Variants in RPS6KA5 observed in about 807,000 individuals in gnomAD.
RPS6KA5 encodes the protein ribosomal protein S6 kinase alpha-5.
A neutral mutation model predicts 85.5 loss-of-function variants in RPS6KA5; 27 were observed. The observed-to-expected ratio is 0.32, with a 90% CI of 0.23 to 0.44. The LOEUF (loss-of-function observed/expected upper bound fraction) is 0.44, where lower values mean the gene tolerates loss of function less well. RPS6KA5 is among the 20% of genes least tolerant of loss of function. The pLI is 1.00. For missense variants in RPS6KA5, 811 were observed against 980.9 expected (o/e 0.83, Z 2.31); for synonymous variants, 334 against 348.2 (o/e 0.96, Z 0.46).
In RPS6KA5 at chr14:90,983,859, C is replaced by A. The variant is rs529751542; in HGVS notation, c.176-5335G>T. Among the ~76,000 whole-genome samples, 13 of 141,108 alleles carry A rather than the reference C, an allele frequency of 9.2e-5. No homozygotes were observed. The South Asian group carries it at 2.7e-3, about 30-fold the overall frequency. 92.6% of individuals were successfully genotyped at this position (141,108 alleles called of 152,430 possible). A position where few individuals can be genotyped will look rare whatever the true frequency, so the allele number is the denominator to read the frequency against. ...TCTCTCTTTCTTTTTTTCTTTCTTTCTTTCTGACCAAGTCTTGCTCTGTCG... is the reference window on the plus strand; with the variant it reads ...TCTCTCTTTCTTTTTTTCTTTCTTTATTTCTGACCAAGTCTTGCTCTGTCG... On this transcript the variant is annotated intron_variant, in intron 2 of 16. Transcript: ENST00000614987.
chr14:91,020,790 C>G, intron 1 of RPS6KA5, among the ~76,000 whole-genome samples: 1 of 151,888 alleles, frequency 6.6e-6, no homozygotes, highest in East Asian at 1.9e-4. Flanking sequence ...TTTATTTTGT[C>G]ATGTCTCTTA....
At chr14:91,039,097 C>G (rs751304384) in intron 1 of RPS6KA5, among the ~76,000 whole-genome samples, 2 of 152,120 alleles carry the variant, frequency 1.3e-5, no homozygotes, top group Non-Finnish European at 2.9e-5. Context: ...CATTCAAGTC[C>G]TAGAGCTATC....
Position 90,857,355 on chromosome 14 carries a change from T to A in RPS6KA5, c.*14719A>T, listed in dbSNP as rs2032334024. Reference sequence around the variant, plus strand: ...CCATTTTTTGGTATCACGAAGCATTTAATAAGTGCTTAGTTGCATCTGAAA... The same window carrying A: ...CCATTTTTTGGTATCACGAAGCATTAAATAAGTGCTTAGTTGCATCTGAAA... On this transcript the variant is annotated 3_prime_UTR_variant, in exon 17 of 17. Transcript: ENST00000614987. 1.3e-5 allele frequency: 2 copies of A among 152,344 alleles called. No homozygotes were observed. Among genetic ancestry groups the A allele is most frequent in the East Asian group, 3.9e-4 (2 of 5,186 alleles). 9.4% of individuals were successfully genotyped at this position (152,344 alleles called of 1,614,324 possible).
chr14:90,882,893 G>A (rs1705480156), intron 14 of RPS6KA5, among the ~76,000 whole-genome samples: 1 of 151,788 alleles, frequency 6.6e-6, no homozygotes, highest in African/African-American at 2.4e-5. Context: ...CGCCTCCCAA[G>A]TTCAAACGAT....
intron 14 of RPS6KA5, among the ~76,000 whole-genome samples, chr14:90,887,797 A>T: frequency 6.8e-6 from 1 of 146,712 alleles, no homozygotes; most frequent in African/African-American, 2.5e-5. Context: ...TTTCTATTTA[A>T]AAAAAAAAAA....
At chr14:90,933,908 C>A (rs1487244537) in intron 5 of RPS6KA5, among the ~76,000 whole-genome samples, 1 of 152,168 alleles carries the variant, frequency 6.6e-6, no homozygotes, top group East Asian at 1.9e-4. Context: ...ATCCCTCTAC[C>A]TAGAAATCTC....
intron 1 of RPS6KA5, among the ~76,000 whole-genome samples, chr14:91,029,821 T>C (rs2042116404): frequency 6.6e-6 from 1 of 152,194 alleles, no homozygotes; most frequent in African/African-American, 2.4e-5. Context: ...TATATGTACA[T>C]TATATTGCTA....
intron 1 of RPS6KA5, among the ~76,000 whole-genome samples, chr14:91,019,134 G>A (rs1433739363): frequency 6.6e-6 from 1 of 152,120 alleles, no homozygotes; most frequent in African/African-American, 2.4e-5. Context: ...AAGGCCTAAG[G>A]AGATGTGTAA....
At chr14:90,880,430 ATG>A (rs1267220811) in intron 14 of RPS6KA5, among the ~76,000 whole-genome samples, 1 of 152,188 alleles carries the variant, frequency 6.6e-6, no homozygotes, top group Non-Finnish European at 1.5e-5. Flanking sequence ...ATAATCATCT[ATG>A]TTTTTGTACA....
In RPS6KA5 at chr14:90,849,668, G is replaced by A. The variant is rs544560651; in HGVS notation, c.*22406C>T. ...CGCACACAGGAGAGAGTCGGGGCTG[G>A]TGGGGAGGCAGAGAGAGAGAAAGGA... is the stretch of plus-strand genomic sequence containing the variant. On this transcript the variant is annotated 3_prime_UTR_variant, in exon 17 of 17. Transcript: ENST00000614987. The A allele has an allele frequency of 6.6e-6, 1 of 152,430 alleles. No homozygotes were observed. Among genetic ancestry groups the A allele is most frequent in the South Asian group, 2.1e-4 (1 of 4,822 alleles). 9.4% of individuals were successfully genotyped at this position (152,430 alleles called of 1,614,324 possible).
intron 7 of RPS6KA5, among the ~76,000 whole-genome samples, chr14:90,919,557 C>A (rs972438097): frequency 2.0e-5 from 3 of 152,074 alleles, no homozygotes; most frequent in African/African-American, 7.2e-5. Flanking sequence ...CTTATTTGTT[C>A]ATTAACCCAT....
intron 1 of RPS6KA5, among the ~76,000 whole-genome samples, chr14:91,025,880 G>C (rs906262466): frequency 1.3e-5 from 2 of 151,920 alleles, no homozygotes; most frequent in African/African-American, 4.8e-5. Context: ...GTACCTGTGT[G>C]GGTTCGTTAT....
At chr14:91,049,300 A>C (rs1294745682) in intron 1 of RPS6KA5, among the ~76,000 whole-genome samples, 1 of 152,178 alleles carries the variant, frequency 6.6e-6, no homozygotes, top group Non-Finnish European at 1.5e-5. Flanking sequence ...ACTCTTCTCA[A>C]AGTGAGGAAA....
intron 1 of RPS6KA5, among the ~76,000 whole-genome samples, chr14:91,020,534 C>CTGTGTGTGTGTGTGTG (rs34407471): frequency 1.2e-4 from 13 of 110,052 alleles, no homozygotes; most frequent in East Asian, 2.9e-4. Flanking sequence ...TAAGGAATGA[C>CTGTGTGTGTGTGTGTG]TGTGTGTGTG....
chr14:90,970,084 G>A (rs1595366405), intron 3 of RPS6KA5, among the ~76,000 whole-genome samples: 1 of 152,128 alleles, frequency 6.6e-6, no homozygotes, highest in Non-Finnish European at 1.5e-5. Context: ...AAACCTGAAA[G>A]TCATTTCTTT....
chr14:91,010,614 CAG>C (rs2041217352), intron 1 of RPS6KA5, among the ~76,000 whole-genome samples: 1 of 152,122 alleles, frequency 6.6e-6, no homozygotes, highest in Non-Finnish European at 1.5e-5. Flanking sequence ...AAAATTTACA[CAG>C]GAAGGTTGCA....
intron 5 of RPS6KA5, among the ~76,000 whole-genome samples, chr14:90,928,064 T>C (rs1439278800): frequency 6.6e-6 from 1 of 151,780 alleles, no homozygotes; most frequent in East Asian, 1.9e-4. Flanking sequence ...GCCTCCCAAG[T>C]AGCTGGGCTC....
intron 5 of RPS6KA5, among the ~76,000 whole-genome samples, chr14:90,935,730 T>C (rs1327948660): frequency 6.6e-6 from 1 of 152,212 alleles, no homozygotes; most frequent in Non-Finnish European, 1.5e-5. Flanking sequence ...AGATACTCTG[T>C]ACTGTTCAGC....
intron 3 of RPS6KA5, among the ~76,000 whole-genome samples, chr14:90,962,881 C>T (rs2140426161): frequency 6.6e-6 from 1 of 152,268 alleles, no homozygotes; most frequent in East Asian, 1.9e-4. Flanking sequence ...TCCTCTACTC[C>T]TAAACATTTC....
Sources: allele counts gnomAD v4.1 joint callset (sites outside exome capture counted in the v4.1 genomes callset), GRCh38; gene constraint gnomAD v4.1.1; transcripts MANE v1.5; gene names NCBI Gene and HGNC (gene_info 2026-07-23, HGNC 2026-07-21).